The following POLD1 variants were observed in gnomAD, a reference collection of about 807,000 sequenced individuals.
The protein encoded by POLD1 is DNA polymerase delta 1, catalytic subunit, also known as DNA polymerase delta catalytic subunit.
In POLD1, 79 loss-of-function variants were observed where a neutral mutation model predicts 129.7. The ratio of observed to expected loss-of-function variants is 0.61; its 90% CI spans 0.51 to 0.73. The LOEUF (loss-of-function observed/expected upper bound fraction) is 0.73. Among genes scored for constraint, POLD1 ranks in the 30% least tolerant of loss-of-function variants. The probability of loss-of-function intolerance (pLI) is 0.00; values close to 1 mark genes in which losing one functional copy is unlikely to be tolerated. For missense variants in POLD1, 1,338 were observed against 1,595.8 expected (o/e 0.84, Z 2.75); for synonymous variants, 714 against 683.3 (o/e 1.04, Z -0.70).
At position 50,409,130 on chromosome 19, in the gene POLD1, AG is replaced by A; in HGVS notation, c.1903del (p.Asp635IlefsTer13). On this transcript the variant is annotated frameshift_variant, in exon 16 of 27. Coordinates refer to ENST00000440232, the MANE Select transcript of POLD1 (RefSeq NM_002691.4). LOFTEE classifies it high-confidence loss of function. This position sits in a 1 kb window ranked among gnomAD's most constrained non-coding sequence, Gnocchi z 5.8. Reference protein sequence around the residue: ...PGTAQKLGLTEDQFIRTPTGD... With the variant: ...PGTAQKLGLTXDQFIRTPTGD... ...AACATCTTCCAACCCAGCCTGACTG[AG>A]GATCAGTTCATCAGGACCCCCACCG... 6.2e-7 allele frequency: 1 copy of A among 1,609,790 alleles called. No individual in the cohort carries two copies. The highest frequency in any genetic ancestry group is 8.5e-7 in the Non-Finnish European group (1 of 1,176,196).
At chr19:50,413,716 C>T (rs1486113096) in intron 18 of POLD1, 26 bp from the exon 19 acceptor site, 4 of 1,580,836 alleles carry the variant, frequency 2.5e-6, no homozygotes, top group Non-Finnish European at 3.4e-6. Context: ...CTGCTTCTCA[C>T]ATACACACAT....
At chr19:50,416,908 G>A (rs961193169) in intron 24 of POLD1, 137 bp from the exon 25 acceptor site, 2 of 1,101,564 alleles carry the variant, frequency 1.8e-6, no homozygotes. Flanking sequence ...TTCCCCAGGG[G>A]AGTTTTCCCA....
At chr19:50,393,274 G>A (rs948874744) in intron 1 of POLD1, among the ~76,000 whole-genome samples, 1 of 152,160 alleles carries the variant, frequency 6.6e-6, no homozygotes, top group African/African-American at 2.4e-5. Flanking sequence ...CCTAGGAGCA[G>A]CCACTAGTCT....
At chr19:50,405,054 C>T (rs974381450) in intron 10 of POLD1, among the ~76,000 whole-genome samples, 21 of 152,036 alleles carry the variant, frequency 1.4e-4, no homozygotes, top group African/African-American at 4.8e-4. Flanking sequence ...CGTGAGCCAC[C>T]GCGCCTGGCC....
At chr19:50,414,534 G>A (rs554099331) in intron 19 of POLD1, among the ~76,000 whole-genome samples, 11 of 152,342 alleles carry the variant, frequency 7.2e-5, no homozygotes, top group East Asian at 1.9e-4. Context: ...ATGCTTCATC[G>A]ACTCGCCTGT....
chr19:50,387,322 T>C (rs946176475), intron 1 of POLD1, among the ~76,000 whole-genome samples: 1 of 152,158 alleles, frequency 6.6e-6, no homozygotes, highest in Non-Finnish European at 1.5e-5. Flanking sequence ...TTGGGCAAGA[T>C]TGGATGAGGT....
At chr19:50,402,972 G>A (rs960101597) in intron 8 of POLD1, 81 bp from the exon 9 acceptor site, 74 of 1,505,712 alleles carry the variant, frequency 4.9e-5, no homozygotes, top group South Asian at 3.5e-4. Flanking sequence ...GGACAGCCCC[G>A]GGGAGATGGC....
chr19:50,403,665 C>A (rs1420603975), intron 10 of POLD1, 68 bp downstream of exon 10: 2 of 954,900 alleles, frequency 2.1e-6, no homozygotes, highest in Non-Finnish European at 3.4e-6. Flanking sequence ...CCTGGGCCTC[C>A]TTCCCACTCC....
At chr19:50,396,548 G>T (rs2122169650) in intron 1 of POLD1, among the ~76,000 whole-genome samples, 1 of 152,084 alleles carries the variant, frequency 6.6e-6, no homozygotes, top group East Asian at 2.0e-4. Context: ...TGCAATCTCA[G>T]CTCACTGCAT....
intron 1 of POLD1, among the ~76,000 whole-genome samples, chr19:50,395,357 A>G (rs979566956): frequency 6.6e-6 from 1 of 151,856 alleles, no homozygotes; most frequent in Non-Finnish European, 1.5e-5. Context: ...GCACTTCGGG[A>G]GGCCGAGGCG....
chr19:50,408,322 G>A (rs1042891380), intron 14 of POLD1, among the ~76,000 whole-genome samples: 3 of 152,056 alleles, frequency 2.0e-5, no homozygotes, highest in Admixed American at 1.3e-4. Context: ...GTGACAAAGC[G>A]AGACTCCGTC....
At position 50,414,986 on chromosome 19, in the gene POLD1, G is replaced by A. The variant is rs373650022; in HGVS notation, c.2560G>A (p.Asp854Asn). The change falls in exon 20 of 27, where the codon GAC becomes AAC. Residue 854 changes from aspartate (D) to asparagine (N), a missense_variant. Asp to Asn is a conservative substitution (Grantham distance 23). Around this residue, in one of 3 missense-constraint regions of POLD1, gnomAD observed 720 missense variants for 1,002.6 expected, o/e 0.72. Coordinates refer to ENST00000440232, the MANE Select transcript of POLD1 (RefSeq NM_002691.4). The stretch of plus-strand genomic sequence containing the variant: ...TGCCTCACTGCGCCGCCTGCTCATC[G>A]ACCGGTGTGTGGGGCCTCCTCCCTC... Reference protein sequence around the residue: ...VTASLRRLLIDRDPEGAVAHA... With the variant: ...VTASLRRLLINRDPEGAVAHA... 75 of 1,575,790 alleles carry A rather than the reference G, an allele frequency of 4.8e-5. No homozygotes were observed. Among genetic ancestry groups the A allele is most frequent in the East Asian group, 1.2e-4 (5 of 43,038 alleles).
At chr19:50,392,280 T>G (rs904709893) in intron 1 of POLD1, among the ~76,000 whole-genome samples, 9 of 152,042 alleles carry the variant, frequency 5.9e-5, no homozygotes, top group Non-Finnish European at 1.3e-4. Flanking sequence ...TAATTTTTTG[T>G]AGAAATGGAG....
At chr19:50,404,580 T>C (rs1314168038) in intron 10 of POLD1, among the ~76,000 whole-genome samples, 1 of 121,162 alleles carries the variant, frequency 8.3e-6, no homozygotes, top group East Asian at 2.2e-4. Flanking sequence ...CTTTCTTTTT[T>C]TTTTTTTTTT....
rs561455235 is a variant in POLD1 at position 50,416,017 on chromosome 19, G to C, written c.2820+191G>C. On this transcript the variant is annotated intron_variant, in intron 22 of 26. Transcript: ENST00000440232. Reference sequence around the variant, plus strand: ...CCCCCTCTATTCTGACCCCTCCCTTGCTTCCCTATGGAAGGGGCCCCAGTC... The same window carrying C: ...CCCCCTCTATTCTGACCCCTCCCTTCCTTCCCTATGGAAGGGGCCCCAGTC... 367 of 582,862 alleles carry C rather than the reference G, an allele frequency of 6.3e-4. 3 individuals are homozygous for C. Among genetic ancestry groups the C allele is most frequent in the South Asian group, 5.1e-3 (233 of 46,050 alleles). The allele number at this position is 582,862 out of a possible 1,614,324, so 36.1% of individuals were successfully genotyped here.
At chr19:50,415,348 T>C in intron 20 of POLD1, 90 bp from the exon 21 acceptor site, 1 of 1,320,990 alleles carries the variant, frequency 7.6e-7, no homozygotes, top group Non-Finnish European at 1.1e-6. Flanking sequence ...CCCTAAGAGC[T>C]CATCCTGGTC....
At chr19:50,391,446 G>C (rs544977990) in intron 1 of POLD1, among the ~76,000 whole-genome samples, 2 of 152,184 alleles carry the variant, frequency 1.3e-5, no homozygotes, top group Admixed American at 6.5e-5. Flanking sequence ...CTGCAATCCC[G>C]GCACCTCGGG....
At chr19:50,410,197 T>C (rs916552987) in intron 17 of POLD1, among the ~76,000 whole-genome samples, 2 of 152,180 alleles carry the variant, frequency 1.3e-5, no homozygotes, top group African/African-American at 4.8e-5. Context: ...ACAGATTCTT[T>C]GAAACCACAG....
At chr19:50,407,960 C>T (rs1191588880) in intron 14 of POLD1, among the ~76,000 whole-genome samples, 1 of 151,796 alleles carries the variant, frequency 6.6e-6, no homozygotes, top group Non-Finnish European at 1.5e-5. Context: ...ATGATGAGCC[C>T]AGGAGGTGGA....
Sources: allele counts gnomAD v4.1 joint callset (sites outside exome capture counted in the v4.1 genomes callset), GRCh38; gene constraint gnomAD v4.1.1; regional missense constraint gnomAD v4.1.1; non-coding constraint Gnocchi (gnomAD v3.1); transcripts MANE v1.5; gene names NCBI Gene and HGNC (gene_info 2026-07-23, HGNC 2026-07-21).